The following KCTD10 variants were observed in gnomAD, a reference collection of about 807,000 sequenced individuals.
KCTD10 encodes potassium channel tetramerization domain containing 10, also known as BTB/POZ domain-containing adapter for CUL3-mediated RhoA degradation protein 3.
KCTD10 carries 13 observed loss-of-function variants against 34.6 expected under a neutral mutation model. The observed-to-expected ratio is 0.38, with a 90% CI of 0.24 to 0.60. The LOEUF (loss-of-function observed/expected upper bound fraction) is 0.60. Ranked by LOEUF, KCTD10 falls within the 20% of genes least tolerant of loss-of-function variation. KCTD10 has a pLI of 0.66. For synonymous variants in KCTD10, 156 were observed against 168.8 expected, an observed-to-expected ratio of 0.92 and a Z score of 0.59; for missense variants, 256 against 420.3, an observed-to-expected ratio of 0.61 and a Z score of 3.42.
chr12:109,458,447 C>A (rs1566053689), intron 3 of KCTD10: 1 of 172,424 alleles, frequency 5.8e-6, no homozygotes, highest in Non-Finnish European at 1.2e-5. Flanking sequence ...AAAGCATAAA[C>A]CCATAAGGGG....
chr12:109,454,267 G>C (rs1162705961), intron 6 of KCTD10, among the ~76,000 whole-genome samples: 2 of 152,234 alleles, frequency 1.3e-5, no homozygotes, highest in Non-Finnish European at 2.9e-5. Context: ...GTTCCAGTAA[G>C]TAAGGGCCAA....
At chr12:109,459,429 C>A (rs77862487) in intron 3 of KCTD10, 6 of 152,144 alleles carry the variant, frequency 3.9e-5, no homozygotes, top group Non-Finnish European at 8.8e-5. Flanking sequence ...CCGCTGAGAA[C>A]GTGGGGCTGA....
At chr12:109,471,177 G>T (rs1873868151) in intron 1 of KCTD10, 1 of 985,276 alleles carries the variant, frequency 1.0e-6, no homozygotes, top group East Asian at 1.1e-4. Context: ...TAATGAATGG[G>T]TACTACAACT....
chr12:109,452,481 A>C (rs1048854043), intron 6 of KCTD10, among the ~76,000 whole-genome samples: 1 of 152,226 alleles, frequency 6.6e-6, no homozygotes, highest in Admixed American at 6.5e-5. Flanking sequence ...AGGGCCACAT[A>C]AGCAGGTCCC....
In KCTD10 at chr12:109,460,626, T is replaced by TC. The variant is rs1272729907; in HGVS notation, c.387+9_387+10insG. On this transcript the variant is annotated intron_variant, in intron 3 of 6. Coordinates refer to ENST00000228495, the MANE Select transcript of KCTD10 (RefSeq NM_031954.5). This position sits in a 1 kb window ranked among gnomAD's most constrained non-coding sequence, Gnocchi z 4.5. ...TCTCCACCCATATGGGAAGAAAGGG[T>TC]GATGCCTACTTGTAGGGCCGCCTGG... The TC allele has an allele frequency of 1.2e-6, 2 of 1,611,236 alleles. No individual in the cohort carries two copies. The highest frequency in any genetic ancestry group is 1.3e-5 in the African/African-American group (1 of 74,778).
chr12:109,471,711 G>C (rs1003325748), intron 1 of KCTD10, among the ~76,000 whole-genome samples: 1 of 152,142 alleles, frequency 6.6e-6, no homozygotes, highest in Admixed American at 6.5e-5. Flanking sequence ...CCTCGAAGGG[G>C]GGGAGAAAAG....
At position 109,460,212 on chromosome 12, in the gene KCTD10, T is replaced by G. The variant is rs1275441531; in HGVS notation, c.387+424A>C. 1 of 156,280 alleles carries G rather than the reference T, an allele frequency of 6.4e-6. No homozygotes were observed. The highest frequency in any genetic ancestry group is 1.9e-4 in the East Asian group (1 of 5,374). 9.7% of individuals were successfully genotyped at this position (156,280 alleles called of 1,614,324 possible). A position where few individuals can be genotyped will look rare whatever the true frequency, so the allele number is the denominator to read the frequency against. On this transcript the variant is annotated intron_variant, in intron 3 of 6. Transcript: ENST00000228495. This position sits in a 1 kb window ranked among gnomAD's most constrained non-coding sequence, Gnocchi z 4.5. The stretch of plus-strand genomic sequence containing the variant: ...ATTTTGTTTTTGTGGGATTTTACTG[T>G]CACCAGACCTGACTCCAGTGGTCCT...
Position 109,468,242 on chromosome 12 carries a change from C to T in KCTD10, c.217+1273G>A, listed in dbSNP as rs376650363. Among the ~76,000 whole-genome samples, 4 of 152,308 alleles carry T rather than the reference C, an allele frequency of 2.6e-5. No homozygotes were observed. In the South Asian group the frequency reaches 6.2e-4, roughly 24 times the overall value. On this transcript the variant is annotated intron_variant, in intron 2 of 6. Transcript: ENST00000228495. ...AGAACCTCCAGCCCCACACCCTGGC[C>T]TTCCCCAGGACACAGAGAGGAATGT...
At chr12:109,457,808 C>A in intron 4 of KCTD10, 126 bp from the exon 5 acceptor site, 1 of 1,137,118 alleles carries the variant, frequency 8.8e-7, no homozygotes, top group Non-Finnish European at 1.3e-6. Flanking sequence ...AGCTTGCTGG[C>A]TGGAGAGGGG....
At position 109,450,149 on chromosome 12, in the gene KCTD10, A is replaced by AC. The variant is rs1242363036; in HGVS notation, c.*1445dup. ...CCCATGTTAATACCTTTGGTATAAA[A>AC]CGGTAACGATTCCCTTGACAAACCC... is the stretch of plus-strand genomic sequence containing the variant. On this transcript the variant is annotated 3_prime_UTR_variant, in exon 7 of 7. Transcript: ENST00000228495. 1 of 397,906 alleles carries AC rather than the reference A, an allele frequency of 2.5e-6. No individual in the cohort carries two copies. Among genetic ancestry groups the AC allele is most frequent in the African/African-American group, 2.1e-5 (1 of 48,634 alleles). The allele number at this position is 397,906 out of a possible 1,614,324, so 24.6% of individuals were successfully genotyped here. A position where few individuals can be genotyped will look rare whatever the true frequency, so the allele number is the denominator to read the frequency against.
intron 1 of KCTD10, among the ~76,000 whole-genome samples, chr12:109,471,992 C>T (rs1873913840): frequency 6.6e-6 from 1 of 151,970 alleles, no homozygotes; most frequent in Admixed American, 6.6e-5. Context: ...AGTGTGTAGG[C>T]CTGGAAATTG....
chr12:109,470,153 T>G, intron 1 of KCTD10: 1 of 1,004,912 alleles, frequency 1.0e-6, no homozygotes, highest in South Asian at 4.3e-5. Flanking sequence ...TAAAACAGCC[T>G]AAAGCACTGC....
At chr12:109,475,166 G>A (rs1234457192) in intron 1 of KCTD10, among the ~76,000 whole-genome samples, 2 of 152,064 alleles carry the variant, frequency 1.3e-5, no homozygotes, top group Non-Finnish European at 2.9e-5. Context: ...AGAATCACCT[G>A]CGTGTGCTTA....
intron 2 of KCTD10, among the ~76,000 whole-genome samples, chr12:109,461,844 C>G (rs1168049161): frequency 6.6e-6 from 1 of 152,230 alleles, no homozygotes; most frequent in Non-Finnish European, 1.5e-5. Context: ...ACGGCTCCTG[C>G]CACGCATTAC....
At position 109,460,258 on chromosome 12, in the gene KCTD10, G is replaced by A. The variant is rs1445695287; in HGVS notation, c.387+378C>T. 1 of 175,116 alleles carries A rather than the reference G, an allele frequency of 5.7e-6. No individual in the cohort carries two copies. The highest frequency in any genetic ancestry group is 2.4e-5 in the African/African-American group (1 of 42,332). 10.8% of individuals were successfully genotyped at this position (175,116 alleles called of 1,614,324 possible). Reference sequence around the variant, plus strand: ...GTCCTGCTCTGTCTAGCTAAGGAGTGAGGGGTGTCTGTCTGTAGAGATTAT... The same window carrying A: ...GTCCTGCTCTGTCTAGCTAAGGAGTAAGGGGTGTCTGTCTGTAGAGATTAT... On this transcript the variant is annotated intron_variant, in intron 3 of 6. Transcript: ENST00000228495. The surrounding 1 kb of genome is among the most constrained non-coding windows in gnomAD (Gnocchi z 4.5).
chr12:109,460,717 G>A lies in KCTD10; in HGVS notation c.306C>T (p.Arg102=). The A allele has an allele frequency of 6.2e-7, 1 of 1,614,160 alleles. No individual in the cohort carries two copies. The highest frequency in any genetic ancestry group is 8.5e-7 in the Non-Finnish European group (1 of 1,180,026). The change falls in exon 3 of 7, where the codon CGC becomes CGT. Residue 102 remains arginine (R), a synonymous_variant. Transcript: ENST00000228495. This position sits in a 1 kb window ranked among gnomAD's most constrained non-coding sequence, Gnocchi z 4.5. ...RDGAVPLPES[R]REIEELLAEA... ...CTGCTAGCAGCTCCTCGATCTCCCG[G>A]CGGCTCTCGGGTAAAGGCACCGCCC...
intron 6 of KCTD10, 38 bp downstream of exon 6, chr12:109,456,080 A>G (rs1873003529): frequency 1.3e-6 from 2 of 1,599,658 alleles, no homozygotes; most frequent in African/African-American, 2.7e-5. Context: ...TGTGTGTTTC[A>G]GAACAGCCAC....
Position 109,460,515 on chromosome 12 carries a change from A to G in KCTD10, c.387+121T>C. ...AGGAATCGGGCTCCAGGGCAAACTC[A>G]TTAACTCTCACAACATCTCAGTCAG... is the stretch of plus-strand genomic sequence containing the variant. On this transcript the variant is annotated intron_variant, in intron 3 of 6. Coordinates refer to ENST00000228495, the MANE Select transcript of KCTD10 (RefSeq NM_031954.5). The surrounding 1 kb of genome is among the most constrained non-coding windows in gnomAD (Gnocchi z 4.5). 8.8e-7 allele frequency: 1 copy of G among 1,138,318 alleles called. No individual in the cohort carries two copies. Among genetic ancestry groups the G allele is most frequent in the Non-Finnish European group, 1.3e-6 (1 of 795,680 alleles). 70.5% of individuals were successfully genotyped at this position (1,138,318 alleles called of 1,614,324 possible).
intron 3 of KCTD10, among the ~76,000 whole-genome samples, chr12:109,459,886 T>A (rs1873223718): frequency 6.6e-6 from 1 of 152,226 alleles, no homozygotes; most frequent in East Asian, 1.9e-4. Flanking sequence ...GCAGCACTAT[T>A]TGACTTCTTG....
Sources: gnomAD v4.1 joint callset for allele counts (sites outside exome capture counted in the v4.1 genomes callset) on GRCh38, gnomAD v4.1.1 for gene constraint, Gnocchi (gnomAD v3.1) non-coding constraint, MANE v1.5 for transcripts, NCBI Gene and HGNC (gene_info 2026-07-23, HGNC 2026-07-21) for gene names.